Variants in USH2A observed in about 807,000 individuals in gnomAD.
USH2A encodes the protein Usher syndrome 2A (autosomal recessive, mild).
USH2A carries 443 observed loss-of-function variants against 538.9 expected under a neutral mutation model. The observed-to-expected ratio is 0.82, with a 90% CI of 0.76 to 0.89. The LOEUF (loss-of-function observed/expected upper bound fraction) is 0.89. Among genes scored for constraint, USH2A ranks in the 40% least tolerant of loss-of-function variants. USH2A has a pLI of 0.00. For synonymous variants in USH2A, 2,413 were observed against 2,273.5 expected, an observed-to-expected ratio of 1.06 and a Z score of -1.75; for missense variants, 6,633 against 6,324.8, an observed-to-expected ratio of 1.05 and a Z score of -1.65.
chr1:215,969,801 T>C (rs1255096688), intron 36 of USH2A, among the ~76,000 whole-genome samples: 2 of 152,178 alleles, frequency 1.3e-5, no homozygotes, highest in East Asian at 1.9e-4. Context: ...TTATATAATA[T>C]ACTCTTCAGT....
chr1:215,870,042 C>T (rs1011677399), intron 43 of USH2A, among the ~76,000 whole-genome samples: 1 of 152,056 alleles, frequency 6.6e-6, no homozygotes, highest in Non-Finnish European at 1.5e-5. Flanking sequence ...CTACATCATA[C>T]AGATTAAACA....
chr1:215,650,882 A>G, intron 64 of USH2A, 81 bp from the exon 65 acceptor site: 2 of 1,537,184 alleles, frequency 1.3e-6, no homozygotes, highest in East Asian at 4.6e-5. Context: ...AAGGAAAAAA[A>G]ACGAAATTGG....
At chr1:215,804,886 A>G (rs926483783) in intron 49 of USH2A, among the ~76,000 whole-genome samples, 1 of 152,194 alleles carries the variant, frequency 6.6e-6, no homozygotes, top group Admixed American at 6.5e-5. Context: ...AACCAACCCA[A>G]ATGTCCAACA....
Position 215,674,777 on chromosome 1 carries a change from C to T in USH2A, c.13134G>A (p.Pro4378=), listed in dbSNP as rs148975669. The T allele has an allele frequency of 1.7e-5, 28 of 1,614,052 alleles. No homozygotes were observed. The highest frequency in any genetic ancestry group is 8.9e-5 in the East Asian group (4 of 44,852). ...TAATCTTTCCATTTTGCACTGTGGG[C>T]GGTGACCAACATACATTCATTTGAG... ...SATQMNVCWS[P]PTVQNGKITK... Residue 4378 remains proline, a synonymous_variant, in exon 63 of 72, where the codon CCG becomes CCA. Transcript: ENST00000307340.
intron 4 of USH2A, among the ~76,000 whole-genome samples, chr1:216,354,580 A>T (rs1413199352): frequency 1.3e-5 from 2 of 152,220 alleles, no homozygotes; most frequent in Non-Finnish European, 2.9e-5. Context: ...AATGAAAAGT[A>T]TAATTTAGAA....
intron 9 of USH2A, among the ~76,000 whole-genome samples, chr1:216,303,490 A>C (rs2037253317): frequency 6.6e-6 from 1 of 151,960 alleles, no homozygotes; most frequent in South Asian, 2.1e-4. Context: ...AACTTAGTCA[A>C]CTGGTATACA....
rs115834021 is a variant in USH2A at position 216,271,594 on chromosome 1, C to T, written c.1971+17686G>A. ...TAAGAGCAAACCTCCTTGCTTTGTTCCTGATGTAGTGGTAAAAAATTTAAC... is the reference window on the plus strand; with the variant it reads ...TAAGAGCAAACCTCCTTGCTTTGTTTCTGATGTAGTGGTAAAAAATTTAAC... On this transcript the variant is annotated intron_variant, in intron 11 of 71. Coordinates refer to ENST00000307340, the MANE Select transcript of USH2A (RefSeq NM_206933.4). 2.1e-3 allele frequency among the ~76,000 whole-genome samples: 321 copies of T among 152,026 alleles called. 1 individual carries two copies. The highest frequency in any genetic ancestry group is 3.3e-3 in the Non-Finnish European group (222 of 67,932).
intron 3 of USH2A, among the ~76,000 whole-genome samples, chr1:216,375,510 A>T (rs1393018015): frequency 6.6e-6 from 1 of 152,198 alleles, no homozygotes; most frequent in Non-Finnish European, 1.5e-5. Flanking sequence ...CAGCCTTCAC[A>T]TAATGGAATA....
At chr1:216,070,421 G>T in intron 29 of USH2A, 129 bp from the exon 30 acceptor site, 1 of 890,254 alleles carries the variant, frequency 1.1e-6, no homozygotes, top group Non-Finnish European at 1.8e-6. Context: ...TATTAGAGTT[G>T]TAACTTTTCA....
chr1:215,731,050 C>G (rs1659980671), intron 60 of USH2A, among the ~76,000 whole-genome samples: 1 of 152,204 alleles, frequency 6.6e-6, no homozygotes, highest in Non-Finnish European at 1.5e-5. Context: ...TCTATTTTGT[C>G]TAGCTTCAGC....
chr1:215,690,433 C>A (rs1239676450), intron 61 of USH2A, among the ~76,000 whole-genome samples: 1 of 152,132 alleles, frequency 6.6e-6, no homozygotes, highest in Non-Finnish European at 1.5e-5. Flanking sequence ...AGAAAGCGCT[C>A]ATCTTTAGCT....
At chr1:215,938,926 A>G (rs1482121573) in intron 37 of USH2A, among the ~76,000 whole-genome samples, 2 of 152,162 alleles carry the variant, frequency 1.3e-5, no homozygotes, top group African/African-American at 4.8e-5. Context: ...CTGGATGAGC[A>G]TCAGAGCATA....
chr1:215,945,196 A>C (rs17025689), intron 37 of USH2A, among the ~76,000 whole-genome samples: 4,884 of 152,234 alleles, frequency 0.032, 124 homozygotes, highest in South Asian at 0.084. Context: ...TTTGATATAT[A>C]AATGTTGGCC....
Position 215,879,002 on chromosome 1 carries a change from C to A in USH2A, c.8320G>T (p.Ala2774Ser), listed in dbSNP as rs111033533. The change falls in exon 42 of 72, where the codon GCA becomes TCA. Residue 2774 changes from alanine (A) to serine (S), a missense_variant. Physicochemically the swap from Ala to Ser is moderately conservative, Grantham distance 99. Coordinates refer to ENST00000307340, the MANE Select transcript of USH2A (RefSeq NM_206933.4). ...TGAGTAACTTTTTGACTTAACACTG[C>A]GGAAGTCACATTGGTTAAAGTGATG... ...PHITLTNVTS[A>S]VLSQKVTHLI... 3 of 1,613,970 alleles carry A rather than the reference C, an allele frequency of 1.9e-6. No individual in the cohort carries two copies. The highest frequency in any genetic ancestry group is 2.5e-6 in the Non-Finnish European group (3 of 1,179,916).
intron 11 of USH2A, among the ~76,000 whole-genome samples, chr1:216,266,144 T>C (rs1331723275): frequency 6.6e-6 from 1 of 152,138 alleles, no homozygotes; most frequent in African/African-American, 2.4e-5. Context: ...TACATATGTA[T>C]TGAAATATCT....
chr1:216,175,180 A>G, intron 21 of USH2A, 72 bp downstream of exon 21: 2 of 1,598,686 alleles, frequency 1.3e-6, no homozygotes, highest in South Asian at 1.1e-5. Context: ...TTCATTGTAA[A>G]GGGATATGAA....
chr1:216,238,645 T>A (rs2035875741), intron 13 of USH2A, among the ~76,000 whole-genome samples: 1 of 152,220 alleles, frequency 6.6e-6, no homozygotes, highest in Non-Finnish European at 1.5e-5. Flanking sequence ...AAATTGCCTA[T>A]AAATTTTACT....
chr1:215,843,491 G>A (rs1202252646), intron 46 of USH2A, among the ~76,000 whole-genome samples: 3 of 151,986 alleles, frequency 2.0e-5, no homozygotes, highest in Admixed American at 2.0e-4. Context: ...TTTAAGGCCA[G>A]TAGCCCCTGA....
rs1470676779 is a variant in USH2A, at chr1:216,250,908, A to G, written c.2162T>C (p.Val721Ala). Residue 721 changes from valine (V) to alanine (A), a missense_variant, in exon 12 of 72, where the codon GTT (valine) becomes GCT (alanine). Val to Ala is a moderately conservative substitution (Grantham distance 64, BLOSUM62 0). Transcript: ENST00000307340. The part of the protein sequence containing the change: ...NSGQCKCKAN[V>A]IGLRCDHCNF... Reference sequence around the variant, plus strand: ...AACTTTTGCGTTACACGTACCAATAACGTTTGCTTTGCACTTGCACTGGCC... The same window carrying G: ...AACTTTTGCGTTACACGTACCAATAGCGTTTGCTTTGCACTTGCACTGGCC... 6.2e-7 allele frequency: 1 copy of G among 1,613,986 alleles called. No individual in the cohort carries two copies. The highest frequency in any genetic ancestry group is 8.5e-7 in the Non-Finnish European group (1 of 1,179,956).
Sources: allele counts gnomAD v4.1 joint callset (sites outside exome capture counted in the v4.1 genomes callset), GRCh38; gene constraint gnomAD v4.1.1; transcripts MANE v1.5; gene names NCBI Gene and HGNC (gene_info 2026-07-23, HGNC 2026-07-21).